SUSD6: variants seen among roughly 807,000 people sequenced by gnomAD.
SUSD6 encodes sushi domain containing 6.
A neutral mutation model predicts 28.4 loss-of-function variants in SUSD6; 16 were observed. The observed-to-expected ratio is 0.56, with a 90% confidence interval of 0.38 to 0.86. The LOEUF is 0.86. SUSD6 is among the 40% of genes least tolerant of loss of function. SUSD6 has a pLI of 0.00. For missense variants in SUSD6, 341 were observed against 384.2 expected, an observed-to-expected ratio of 0.89 and a Z score of 0.94; for synonymous variants, 147 against 159.6, an observed-to-expected ratio of 0.92 and a Z score of 0.59.
At chr14:69,666,024 C>G (rs929494640) in intron 2 of SUSD6, among the ~76,000 whole-genome samples, 8 of 152,212 alleles carry the variant, frequency 5.3e-5, no homozygotes, top group Non-Finnish European at 1.2e-4. Context: ...CAATTGATAT[C>G]ATTCCACACT....
chr14:69,654,147 A>G (rs1885544286), intron 1 of SUSD6, among the ~76,000 whole-genome samples: 1 of 152,208 alleles, frequency 6.6e-6, no homozygotes, highest in Admixed American at 6.5e-5. Context: ...ATTCCTGCAA[A>G]GCAAAACCAA....
chr14:69,674,128 C>G lies in SUSD6; in HGVS notation c.121+15415C>G, dbSNP rs79467084. On this transcript the variant is annotated intron_variant, in intron 2 of 5. Coordinates refer to ENST00000342745, the MANE Select transcript of SUSD6 (RefSeq NM_014734.4). ...GTCATTGGCACCTGCAGTTGTGCTGCTGCCATAACACCTGCCTACAGAGAG... is the reference window on the plus strand; with the variant it reads ...GTCATTGGCACCTGCAGTTGTGCTGGTGCCATAACACCTGCCTACAGAGAG... 4.7e-3 allele frequency among the ~76,000 whole-genome samples: 723 copies of G among 152,302 alleles called. 5 individuals are homozygous for G. Among genetic ancestry groups the G allele is most frequent in the Non-Finnish European group, 6.6e-3 (446 of 68,026 alleles).
chr14:69,672,550 A>G (rs539123564), intron 2 of SUSD6, among the ~76,000 whole-genome samples: 1 of 152,310 alleles, frequency 6.6e-6, no homozygotes, highest in East Asian at 1.9e-4. Context: ...CTGTGGTGGA[A>G]GTACTTGAGA....
chr14:69,648,889 CT>C lies in SUSD6; in HGVS notation c.-80-9623del, dbSNP rs373017721. The stretch of plus-strand genomic sequence containing the variant: ...GCAGACAAAATTAAGTTTTTTTTCC[CT>C]CCTCTCTCTGCCATCCTTTTGGTGA... On this transcript the variant is annotated intron_variant, in intron 1 of 5. Transcript: ENST00000342745. 1.8e-4 allele frequency among the ~76,000 whole-genome samples: 27 copies of C among 152,172 alleles called. 1 individual carries two copies. In the South Asian group the frequency reaches 5.4e-3, roughly 30 times the overall value.
chr14:69,681,101 TTC>T (rs1885991286), intron 2 of SUSD6, among the ~76,000 whole-genome samples: 2 of 152,230 alleles, frequency 1.3e-5, no homozygotes, highest in Admixed American at 1.3e-4. Flanking sequence ...ATAAATTGTC[TTC>T]CTACATGCCT....
intron 2 of SUSD6, among the ~76,000 whole-genome samples, chr14:69,701,646 G>C (rs1886314494): frequency 6.6e-6 from 1 of 152,138 alleles, no homozygotes. Flanking sequence ...TCTTTCTCCT[G>C]TTCAAGACTC....
At chr14:69,627,106 C>G (rs1328341922) in intron 1 of SUSD6, among the ~76,000 whole-genome samples, 11 of 152,166 alleles carry the variant, frequency 7.2e-5, no homozygotes, top group Admixed American at 3.3e-4. Flanking sequence ...TAAGAATGTT[C>G]ATTGGAAAAG....
chr14:69,664,389 G>A (rs908444895), intron 2 of SUSD6, among the ~76,000 whole-genome samples: 14 of 152,150 alleles, frequency 9.2e-5, no homozygotes, highest in South Asian at 2.1e-4. Flanking sequence ...CAATAGGGAC[G>A]TAGTAAATAG....
At chr14:69,619,460 C>T (rs1885004185) in intron 1 of SUSD6, among the ~76,000 whole-genome samples, 1 of 152,024 alleles carries the variant, frequency 6.6e-6, no homozygotes, top group African/African-American at 2.4e-5. Context: ...TGTATCTTTG[C>T]CATTCAAAAA....
At chr14:69,674,262 C>G (rs1269188408) in intron 2 of SUSD6, among the ~76,000 whole-genome samples, 1 of 152,140 alleles carries the variant, frequency 6.6e-6, no homozygotes, top group African/African-American at 2.4e-5. Flanking sequence ...TCGACATTCC[C>G]CACTGCCTGG....
At chr14:69,638,153 TTC>T (rs1284983310) in intron 1 of SUSD6, among the ~76,000 whole-genome samples, 6 of 152,316 alleles carry the variant, frequency 3.9e-5, no homozygotes, top group Admixed American at 6.5e-5. Context: ...ACCCTTGTTA[TTC>T]TCTGTTCAGA....
At chr14:69,710,439 G>A (rs1886446678) in intron 5 of SUSD6, among the ~76,000 whole-genome samples, 2 of 152,170 alleles carry the variant, frequency 1.3e-5, no homozygotes, top group Admixed American at 6.5e-5. Context: ...TCAGAATGAG[G>A]GGTTCAGAAA....
In SUSD6 at chr14:69,714,996, T is replaced by C. The variant is rs1171684631; in HGVS notation, c.*4017T>C. ...ATCAGTTTGGGTTTGCTTTATTTTA[T>C]TTTATATATATATTTTTTGGTATCC... On this transcript the variant is annotated 3_prime_UTR_variant, in exon 6 of 6. Transcript: ENST00000342745. 1 of 152,232 alleles carries C rather than the reference T, an allele frequency of 6.6e-6. No individual in the cohort carries two copies. The allele number at this position is 152,232 out of a possible 1,614,324, so 9.4% of individuals were successfully genotyped here. A position where few individuals can be genotyped will look rare whatever the true frequency, so the allele number is the denominator to read the frequency against.
At chr14:69,662,771 C>T (rs1395231039) in intron 2 of SUSD6, among the ~76,000 whole-genome samples, 2 of 152,194 alleles carry the variant, frequency 1.3e-5, no homozygotes, top group Non-Finnish European at 2.9e-5. Flanking sequence ...AAGAAACTTG[C>T]TGTATGACCT....
rs1475437952 is a variant in SUSD6 at position 69,714,905 on chromosome 14, G to C, written c.*3926G>C. 1.3e-5 allele frequency: 2 copies of C among 152,148 alleles called. No homozygotes were observed. Among genetic ancestry groups the C allele is most frequent in the African/African-American group, 4.8e-5 (2 of 41,406 alleles). 9.4% of individuals were successfully genotyped at this position (152,148 alleles called of 1,614,324 possible). ...TCGCACCACTATGGAATCCTTTGCA[G>C]AATGGTACTCATATAATGGTTTAAA... On this transcript the variant is annotated 3_prime_UTR_variant, in exon 6 of 6. Coordinates refer to ENST00000342745, the MANE Select transcript of SUSD6 (RefSeq NM_014734.4).
At chr14:69,625,583 C>A (rs1213547575) in intron 1 of SUSD6, among the ~76,000 whole-genome samples, 1 of 152,136 alleles carries the variant, frequency 6.6e-6, no homozygotes, top group African/African-American at 2.4e-5. Flanking sequence ...CAGAACATGG[C>A]CGGTCTGGAC....
intron 2 of SUSD6, among the ~76,000 whole-genome samples, chr14:69,683,486 C>T (rs1886028209): frequency 6.6e-6 from 1 of 152,040 alleles, no homozygotes; most frequent in Non-Finnish European, 1.5e-5. Flanking sequence ...AAAGAGAGCA[C>T]TAAGATTGGG....
At position 69,713,968 on chromosome 14, in the gene SUSD6, TC is replaced by T. The variant is rs371221032; in HGVS notation, c.*2991del. The T allele has an allele frequency of 6.6e-6, 1 of 152,154 alleles. No individual in the cohort carries two copies. The highest frequency in any genetic ancestry group is 2.4e-5 in the African/African-American group (1 of 41,524). 9.4% of individuals were successfully genotyped at this position (152,154 alleles called of 1,614,324 possible). On this transcript the variant is annotated 3_prime_UTR_variant, in exon 6 of 6. Transcript: ENST00000342745. Reference sequence around the variant, plus strand: ...AAAATCACTTAAAATATCCGTCCCTTCCATGCCTTAGTTTAGCAGGTAGGCT... The same window carrying T: ...AAAATCACTTAAAATATCCGTCCCTTCATGCCTTAGTTTAGCAGGTAGGCT...
At chr14:69,705,999 A>G (rs1418234400) in intron 4 of SUSD6, among the ~76,000 whole-genome samples, 2 of 152,220 alleles carry the variant, frequency 1.3e-5, no homozygotes, top group Non-Finnish European at 1.5e-5. Context: ...GTTATAACTC[A>G]CAAACATAAA....
Sources: gnomAD v4.1 joint callset for allele counts (sites outside exome capture counted in the v4.1 genomes callset) on GRCh38, gnomAD v4.1.1 for gene constraint, MANE v1.5 for transcripts, NCBI Gene and HGNC (gene_info 2026-07-23, HGNC 2026-07-21) for gene names.